The following GATAD2B variants were observed in gnomAD, a reference collection of about 807,000 sequenced individuals.
The protein encoded by GATAD2B is transcriptional repressor p66-beta.
Under a neutral mutation model 64.3 loss-of-function variants are expected in GATAD2B, and 8 were observed. The ratio of observed to expected loss-of-function variants is 0.12; its 90% CI spans 0.07 to 0.22. The LOEUF (loss-of-function observed/expected upper bound fraction) is 0.22. GATAD2B is among the 10% of genes least tolerant of loss of function. The pLI is 1.00. For missense variants in GATAD2B, 453 were observed against 752.0 expected, an observed-to-expected ratio of 0.60 and a Z score of 4.65; for synonymous variants, 281 against 271.3, an observed-to-expected ratio of 1.04 and a Z score of -0.35.
Position 153,809,019 on chromosome 1 carries a change from A to C in GATAD2B, c.*1158T>G, listed in dbSNP as rs980244827. 6.6e-6 allele frequency: 1 copy of C among 152,100 alleles called. No homozygotes were observed. The highest frequency in any genetic ancestry group is 2.4e-5 in the African/African-American group (1 of 41,402). 9.4% of individuals were successfully genotyped at this position (152,100 alleles called of 1,614,324 possible). ...TCATCTCCTGGCACTCAGAGGGTGA[A>C]AGAATAGGCAAATATGCGAATCTCA... On this transcript the variant is annotated 3_prime_UTR_variant, in exon 11 of 11. Transcript: ENST00000368655.
chr1:153,917,081 C>G (rs1418479298), intron 1 of GATAD2B, among the ~76,000 whole-genome samples: 1 of 150,776 alleles, frequency 6.6e-6, no homozygotes, highest in Non-Finnish European at 1.5e-5. Context: ...ACTAGGAATA[C>G]AGGTGTGAGC....
chr1:153,889,320 G>C (rs1226208003), intron 1 of GATAD2B, among the ~76,000 whole-genome samples: 1 of 145,142 alleles, frequency 6.9e-6, no homozygotes, highest in Non-Finnish European at 1.5e-5. Context: ...GCTGAGGCAG[G>C]AGAATTGCTT....
At chr1:153,905,185 C>T in intron 1 of GATAD2B, among the ~76,000 whole-genome samples, 1 of 152,022 alleles carries the variant, frequency 6.6e-6, no homozygotes, top group Non-Finnish European at 1.5e-5. Context: ...CCCAGCCTGA[C>T]CAATATGGTG....
chr1:153,831,837 C>A (rs920077077), intron 1 of GATAD2B, among the ~76,000 whole-genome samples: 1 of 152,212 alleles, frequency 6.6e-6, no homozygotes, highest in Non-Finnish European at 1.5e-5. Context: ...TGCCACTCAA[C>A]TGATTATACG....
intron 1 of GATAD2B, among the ~76,000 whole-genome samples, chr1:153,849,181 T>C (rs984414736): frequency 2.0e-5 from 3 of 152,188 alleles, no homozygotes; most frequent in East Asian, 1.9e-4. Flanking sequence ...CAGAAGTTTA[T>C]TGGCTATTTA....
intron 7 of GATAD2B, among the ~76,000 whole-genome samples, chr1:153,814,247 T>C (rs1674382013): frequency 6.6e-6 from 1 of 152,250 alleles, no homozygotes; most frequent in Non-Finnish European, 1.5e-5. Context: ...CTGGGCACTT[T>C]ACTGGCAGGC....
At position 153,810,160 on chromosome 1, in the gene GATAD2B, T is replaced by G. The variant is rs781255618; in HGVS notation, c.*17A>C. 1 of 1,604,160 alleles carries G rather than the reference T, an allele frequency of 6.2e-7. No individual in the cohort carries two copies. ...GATAAAGGATTCAAGGATGGGGCAG[T>G]ACAAGTGGAACAGGCGTTATTTCTG... On this transcript the variant is annotated 3_prime_UTR_variant, in exon 11 of 11. Transcript: ENST00000368655.
intron 2 of GATAD2B, among the ~76,000 whole-genome samples, chr1:153,827,140 G>C (rs918218574): frequency 6.6e-6 from 1 of 151,208 alleles, no homozygotes; most frequent in South Asian, 2.1e-4. Flanking sequence ...AGCTACTCAA[G>C]GGGGGTGGGG....
rs184390940 is a variant in GATAD2B, at chr1:153,912,277, A to G, written c.-2+10456T>C. On this transcript the variant is annotated intron_variant, in intron 1 of 10. Transcript: ENST00000368655. ...TTTCTTCACCAGCTCAGTTACAACTATCTTCCTGGGAATGCACTGAAGGTG... is the reference window on the plus strand; with the variant it reads ...TTTCTTCACCAGCTCAGTTACAACTGTCTTCCTGGGAATGCACTGAAGGTG... Among the ~76,000 whole-genome samples, 10 of 152,338 alleles carry G rather than the reference A, an allele frequency of 6.6e-5. No homozygotes were observed. The East Asian group carries it at 1.7e-3, about 26-fold the overall frequency.
intron 1 of GATAD2B, among the ~76,000 whole-genome samples, chr1:153,840,901 G>A (rs1018962101): frequency 5.9e-5 from 9 of 151,960 alleles, no homozygotes; most frequent in African/African-American, 2.2e-4. Context: ...CGAGGAGAGC[G>A]GATCATGTGG....
intron 2 of GATAD2B, among the ~76,000 whole-genome samples, chr1:153,822,380 C>T (rs535666275): frequency 6.6e-6 from 1 of 152,258 alleles, no homozygotes; most frequent in East Asian, 1.9e-4. Flanking sequence ...AGAGATATTA[C>T]TGGATGGAGA....
chr1:153,836,986 G>T (rs544485177), intron 1 of GATAD2B, among the ~76,000 whole-genome samples: 1 of 152,296 alleles, frequency 6.6e-6, no homozygotes, highest in Admixed American at 6.5e-5. Flanking sequence ...TTTCCTAATA[G>T]ATAGCTTGAG....
Position 153,810,028 on chromosome 1 carries a change from TG to T in GATAD2B, c.*148del. ...CAGGGCAGGGCGTGTGTTTTCTTGC[TG>T]ATCTCTATTTTTTGTCTTCTGTTTT... On this transcript the variant is annotated 3_prime_UTR_variant, in exon 11 of 11. Transcript: ENST00000368655. The T allele has an allele frequency of 1.4e-6, 1 of 720,814 alleles. No individual in the cohort carries two copies. 44.7% of individuals were successfully genotyped at this position (720,814 alleles called of 1,614,324 possible).
At chr1:153,887,236 A>G (rs1330795321) in intron 1 of GATAD2B, among the ~76,000 whole-genome samples, 1 of 152,216 alleles carries the variant, frequency 6.6e-6, no homozygotes, top group Non-Finnish European at 1.5e-5. Context: ...ACACCAGGCA[A>G]TCAAGCACTA....
At chr1:153,892,692 C>CTTTTTTT (rs144331770) in intron 1 of GATAD2B, among the ~76,000 whole-genome samples, 1 of 97,870 alleles carries the variant, frequency 1.0e-5, no homozygotes. Context: ...TGTAAGAAAC[C>CTTTTTTT]TTTTTTTTTT....
intron 1 of GATAD2B, among the ~76,000 whole-genome samples, chr1:153,880,163 G>A (rs934126553): frequency 2.0e-5 from 3 of 149,852 alleles, no homozygotes; most frequent in African/African-American, 7.4e-5. Context: ...TGGCAATTCT[G>A]AATGATTAGA....
intron 1 of GATAD2B, among the ~76,000 whole-genome samples, chr1:153,831,274 G>A (rs1462832225): frequency 6.6e-6 from 1 of 152,142 alleles, no homozygotes; most frequent in Non-Finnish European, 1.5e-5. Context: ...TCGTAAGTGG[G>A]AGTTGAACAA....
intron 1 of GATAD2B, among the ~76,000 whole-genome samples, chr1:153,914,125 C>T (rs143470898): frequency 0.015 from 2,187 of 150,106 alleles, 20 homozygotes; most frequent in Non-Finnish European, 0.021. Flanking sequence ...CGCCTGTAAT[C>T]CCAGCTACTG....
chr1:153,863,592 A>C (rs905936569), intron 1 of GATAD2B, among the ~76,000 whole-genome samples: 1 of 151,610 alleles, frequency 6.6e-6, no homozygotes, highest in Non-Finnish European at 1.5e-5. Flanking sequence ...ACATTTTTCC[A>C]ACCTTCTCCA....
Sources: allele counts gnomAD v4.1 joint callset (sites outside exome capture counted in the v4.1 genomes callset), GRCh38; gene constraint gnomAD v4.1.1; transcripts MANE v1.5; gene names NCBI Gene and HGNC (gene_info 2026-07-23, HGNC 2026-07-21).